ARID3B: variants seen among roughly 807,000 people sequenced by gnomAD.
The protein encoded by ARID3B is AT-rich interactive domain-containing protein 3B.
ARID3B carries 10 observed loss-of-function variants against 51.9 expected under a neutral mutation model. The observed-to-expected ratio is 0.19, with a 90% CI of 0.12 to 0.33. The LOEUF (loss-of-function observed/expected upper bound fraction) is 0.33, where lower values mean the gene tolerates loss of function less well. ARID3B is among the 10% of genes least tolerant of loss of function. The probability of loss-of-function intolerance (pLI) is 1.00; values close to 1 mark genes in which losing one functional copy is unlikely to be tolerated. For synonymous variants in ARID3B, 205 were observed against 279.5 expected, an observed-to-expected ratio of 0.73 and a Z score of 2.66; for missense variants, 483 against 716.3, an observed-to-expected ratio of 0.67 and a Z score of 3.72.
chr15:74,548,345 A>C (rs867936249), intron 2 of ARID3B, among the ~76,000 whole-genome samples: 2 of 152,152 alleles, frequency 1.3e-5, no homozygotes, highest in Middle Eastern at 3.2e-3. Flanking sequence ...GAATAGAAAG[A>C]AGAAAGATGG....
At chr15:74,553,803 T>TTTA (rs1567116856) in intron 2 of ARID3B, among the ~76,000 whole-genome samples, 3 of 150,136 alleles carry the variant, frequency 2.0e-5, no homozygotes, top group African/African-American at 7.3e-5. Context: ...GTTTTTTAAT[T>TTTA]TTTATTTATT....
At chr15:74,579,828 CGTGTGT>C (rs374538596) in intron 4 of ARID3B, among the ~76,000 whole-genome samples, 4,999 of 137,788 alleles carry the variant, frequency 0.036, 119 homozygotes, top group African/African-American at 0.071. Context: ...CACCTGTTGC[CGTGTGT>C]GTGTGTGTGT....
chr15:74,546,242 TGCCGGCTGCCCCC>T (rs1183634206), intron 2 of ARID3B, among the ~76,000 whole-genome samples: 1 of 151,414 alleles, frequency 6.6e-6, no homozygotes, highest in African/African-American at 2.4e-5. Flanking sequence ...ATCTGTGAGT[TGCCGGCTGCCCCC>T]GCACTGCTGT....
chr15:74,593,716 G>A (rs1184888074), intron 8 of ARID3B, among the ~76,000 whole-genome samples: 1 of 152,134 alleles, frequency 6.6e-6, no homozygotes, highest in East Asian at 1.9e-4. Flanking sequence ...GGTTGATTTC[G>A]CACCTTTACA....
At chr15:74,579,868 T>TGTGCGC (rs1555440730) in intron 4 of ARID3B, among the ~76,000 whole-genome samples, 1 of 125,096 alleles carries the variant, frequency 8.0e-6, no homozygotes, top group Admixed American at 8.3e-5. Flanking sequence ...TGTGTGTGTG[T>TGTGCGC]GTGTGCGCGC....
intron 3 of ARID3B, 64 bp from the exon 4 acceptor site, chr15:74,573,068 G>A (rs10459601): frequency 0.12 from 199,504 of 1,596,288 alleles, 21,280 homozygotes; most frequent in Admixed American, 0.4. Context: ...AGTATATCTG[G>A]TATAAGACTT....
Position 74,595,857 on chromosome 15 carries a change from A to C in ARID3B, c.*83A>C, listed in dbSNP as rs1338831489. 1.8e-5 allele frequency: 26 copies of C among 1,424,292 alleles called. No individual in the cohort carries two copies. The highest frequency in any genetic ancestry group is 2.4e-5 in the Non-Finnish European group (25 of 1,059,966). The allele number at this position is 1,424,292 out of a possible 1,614,324, so 88.2% of individuals were successfully genotyped here. The stretch of plus-strand genomic sequence containing the variant: ...GCACAGAATTTACCTCATCTCACAG[A>C]GCCCACGTCGACGAGCACCATTTGG... On this transcript the variant is annotated 3_prime_UTR_variant, in exon 9 of 9. Coordinates refer to ENST00000346246, the MANE Select transcript of ARID3B (RefSeq NM_006465.4).
At chr15:74,558,970 A>G (rs2061669049) in intron 2 of ARID3B, among the ~76,000 whole-genome samples, 1 of 152,208 alleles carries the variant, frequency 6.6e-6, no homozygotes, top group African/African-American at 2.4e-5. Flanking sequence ...GTCCCCTGCC[A>G]GATGGCACGG....
chr15:74,557,816 A>C (rs1450107921), intron 2 of ARID3B, among the ~76,000 whole-genome samples: 2 of 130,542 alleles, frequency 1.5e-5, no homozygotes, highest in Admixed American at 8.0e-5. Flanking sequence ...GTTTCGACTT[A>C]CTTTTTTTTT....
intron 2 of ARID3B, among the ~76,000 whole-genome samples, chr15:74,547,591 A>T (rs2061620888): frequency 6.6e-6 from 1 of 152,184 alleles, no homozygotes; most frequent in South Asian, 2.1e-4. Context: ...GAAACAAGGC[A>T]TGTTTCTCTC....
At chr15:74,543,823 TC>T in intron 1 of ARID3B, 36 bp from the exon 2 acceptor site, 2 of 1,388,552 alleles carry the variant, frequency 1.4e-6, no homozygotes, top group Non-Finnish European at 2.0e-6. Context: ...GGTTGTTTTT[TC>T]CCCCTCCTTC....
rs1228363609 is a variant in ARID3B at position 74,544,000 on chromosome 15, C to A, written c.64C>A (p.Pro22Thr). The change falls in exon 2 of 9, where the codon CCT becomes ACT. Residue 22 changes from proline to threonine, a missense_variant. Pro to Thr is a conservative substitution (Grantham distance 38, BLOSUM62 -1). Transcript: ENST00000346246. ...QQQQKQPHLA[P>T]LQMDAREKQG... ...ACAACAGAAGCAGCCACACCTGGCT[C>A]CTCTGCAGATGGATGCCAGAGAGAA... is the stretch of plus-strand genomic sequence containing the variant. The A allele has an allele frequency of 6.2e-7, 1 of 1,611,478 alleles. No individual in the cohort carries two copies. The highest frequency in any genetic ancestry group is 8.5e-7 in the Non-Finnish European group (1 of 1,179,022).
chr15:74,562,530 C>T (rs749797095), intron 2 of ARID3B, among the ~76,000 whole-genome samples: 15 of 152,010 alleles, frequency 9.9e-5, no homozygotes, highest in East Asian at 5.8e-4. Flanking sequence ...CACTGTCTCC[C>T]GGGGGGAATG....
chr15:74,544,575 T>G (rs1427721901), intron 2 of ARID3B, 87 bp downstream of exon 2: 1 of 1,401,378 alleles, frequency 7.1e-7, no homozygotes, highest in Non-Finnish European at 9.7e-7. Context: ...GCTGTGCCAG[T>G]CTGTGCCTTC....
rs113614863 is a variant in ARID3B at position 74,591,733 on chromosome 15, C to T, written c.1339C>T (p.Arg447Cys). The T allele has an allele frequency of 9.3e-6, 15 of 1,614,172 alleles. No individual in the cohort carries two copies. Among genetic ancestry groups the T allele is most frequent in the East Asian group, 2.2e-5 (1 of 44,888 alleles). ...KASRLSEEEQ[R>C]LVQQAFQRNF... ...ATCGAGGCTGTCTGAGGAGGAGCAG[C>T]GCCTGGTGCAGCAGGCCTTCCAGCG... Residue 447 changes from arginine (R) to cysteine (C), a missense_variant, in exon 7 of 9, where the codon CGC (arginine) becomes TGC (cysteine). This residue lies in a region of ARID3B where 265 missense variants were observed against 354.4 expected (regional missense o/e 0.75). Coordinates refer to ENST00000346246, the MANE Select transcript of ARID3B (RefSeq NM_006465.4). This position sits in a 1 kb window ranked among gnomAD's most constrained non-coding sequence, Gnocchi z 5.8.
intron 2 of ARID3B, among the ~76,000 whole-genome samples, chr15:74,566,311 CTAAA>C (rs2061698043): frequency 6.6e-6 from 1 of 152,024 alleles, no homozygotes; most frequent in South Asian, 2.1e-4. Flanking sequence ...AATTGAAAGA[CTAAA>C]TAGGCCAGGC....
rs1264269582 is a variant in ARID3B at position 74,596,541 on chromosome 15, C to T, written c.*767C>T. On this transcript the variant is annotated 3_prime_UTR_variant, in exon 9 of 9. Transcript: ENST00000346246. ...CATGCTCCCCACTTGCCCTTATTGG[C>T]CTGCTTTCCCAAAAACAGCCCACTC... 2 of 233,538 alleles carry T rather than the reference C, an allele frequency of 8.6e-6. No individual in the cohort carries two copies. Among genetic ancestry groups the T allele is most frequent in the Non-Finnish European group, 1.7e-5 (2 of 118,124 alleles). The allele number at this position is 233,538 out of a possible 1,614,324, so 14.5% of individuals were successfully genotyped here. A position where few individuals can be genotyped will look rare whatever the true frequency, so the allele number is the denominator to read the frequency against.
At position 74,593,232 on chromosome 15, in the gene ARID3B, T is replaced by C. The variant is rs1464350636; in HGVS notation, c.1515T>C (p.Tyr505=). The C allele has an allele frequency of 1.4e-5, 23 of 1,612,152 alleles. No homozygotes were observed. The highest frequency in any genetic ancestry group is 1.9e-5 in the Non-Finnish European group (22 of 1,179,488). The change falls in exon 8 of 9, where the codon TAT becomes TAC. Residue 505 remains tyrosine, a synonymous_variant. Transcript: ENST00000346246. ...CTGTGGACATCGATGGCACCACCTA[T>C]GCAGGTGAGGCCCTGGAGCTCTGGG... The part of the protein sequence containing the change: ...NMSVDIDGTT[Y]AGVLFAQKPV...
chr15:74,545,115 AC>A (rs1250712017), intron 2 of ARID3B, among the ~76,000 whole-genome samples: 2 of 152,240 alleles, frequency 1.3e-5, no homozygotes, highest in African/African-American at 2.4e-5. Flanking sequence ...GAGATGTGTG[AC>A]TAATTACAGC....
Sources: gnomAD v4.1 joint callset for allele counts (sites outside exome capture counted in the v4.1 genomes callset) on GRCh38, gnomAD v4.1.1 for gene constraint, gnomAD v4.1.1 regional missense constraint, Gnocchi (gnomAD v3.1) non-coding constraint, MANE v1.5 for transcripts, NCBI Gene and HGNC (gene_info 2026-07-23, HGNC 2026-07-21) for gene names.